FHIT: variants seen among roughly 807,000 people sequenced by gnomAD.
The protein encoded by FHIT is fragile histidine triad diadenosine triphosphatase.
FHIT carries 19 observed loss-of-function variants against 17.9 expected under a neutral mutation model. The observed-to-expected ratio is 1.06, with a 90% CI of 0.74 to 1.56. The LOEUF (loss-of-function observed/expected upper bound fraction) is 1.56. Among genes scored for constraint, FHIT ranks in the 40% most tolerant of loss-of-function variants. The pLI, the probability that FHIT is intolerant of heterozygous loss-of-function variation, is 0.00. For synonymous variants in FHIT, 81 were observed against 69.7 expected (o/e 1.16, Z -0.81); for missense variants, 248 against 189.2 (o/e 1.31, Z -1.82).
intron 5 of FHIT, among the ~76,000 whole-genome samples, chr3:60,430,522 C>T (rs1702846477): frequency 6.6e-6 from 1 of 151,932 alleles, no homozygotes; most frequent in Non-Finnish European, 1.5e-5. Context: ...TTTTTTCTGC[C>T]ATAAACTGCT....
At chr3:60,193,690 C>T (rs1387221907) in intron 5 of FHIT, among the ~76,000 whole-genome samples, 1 of 152,186 alleles carries the variant, frequency 6.6e-6, no homozygotes, top group East Asian at 1.9e-4. Flanking sequence ...CAAGTGCTGG[C>T]TGTGGAGATG....
chr3:60,786,763 C>G (rs1700590381), intron 4 of FHIT, among the ~76,000 whole-genome samples: 1 of 151,974 alleles, frequency 6.6e-6, no homozygotes, highest in Non-Finnish European at 1.5e-5. Flanking sequence ...TTGCACAGGG[C>G]CTGTCACAAA....
chr3:60,008,979 T>A (rs1700026435), intron 7 of FHIT, among the ~76,000 whole-genome samples: 1 of 152,226 alleles, frequency 6.6e-6, no homozygotes, highest in African/African-American at 2.4e-5. Context: ...AGTCACAGTA[T>A]TCTAAATAAG....
chr3:60,616,774 C>A (rs2038963958), intron 4 of FHIT: 1 of 152,134 alleles, frequency 6.6e-6, no homozygotes, highest in African/African-American at 2.4e-5. Context: ...ACATTCAATG[C>A]AACCTCAGTT....
chr3:59,808,676 G>A (rs912408077), intron 8 of FHIT, among the ~76,000 whole-genome samples: 10 of 152,286 alleles, frequency 6.6e-5, no homozygotes, highest in Middle Eastern at 3.4e-3. Context: ...TCAGTTGGCC[G>A]TTTGGGCAGC....
At chr3:60,200,514 G>T (rs898285910) in intron 5 of FHIT, among the ~76,000 whole-genome samples, 3 of 151,940 alleles carry the variant, frequency 2.0e-5, no homozygotes, top group Non-Finnish European at 4.4e-5. Context: ...TGTATAAAAT[G>T]GGAAAAATTA....
At chr3:61,245,700 A>T (rs1425116820) in intron 1 of FHIT, among the ~76,000 whole-genome samples, 1 of 152,182 alleles carries the variant, frequency 6.6e-6, no homozygotes, top group African/African-American at 2.4e-5. Context: ...GATTTACTTG[A>T]CAAATAAAAA....
intron 5 of FHIT, among the ~76,000 whole-genome samples, chr3:60,239,376 G>A (rs1341150847): frequency 6.6e-6 from 1 of 152,048 alleles, no homozygotes; most frequent in Non-Finnish European, 1.5e-5. Context: ...AGCACCCTGG[G>A]CAACATAGGG....
intron 8 of FHIT, among the ~76,000 whole-genome samples, chr3:59,888,189 A>G (rs994349882): frequency 2.1e-4 from 32 of 152,166 alleles, no homozygotes; most frequent in Non-Finnish European, 1.0e-4. Flanking sequence ...TTCATACCCA[A>G]TAATTCAGGC....
chr3:60,257,602 C>T (rs961112496), intron 5 of FHIT, among the ~76,000 whole-genome samples: 2 of 152,142 alleles, frequency 1.3e-5, no homozygotes, highest in Non-Finnish European at 2.9e-5. Context: ...TTAACATTTG[C>T]TTCACTGAAG....
chr3:60,905,884 T>G (rs1575670033), intron 3 of FHIT, among the ~76,000 whole-genome samples: 1 of 152,210 alleles, frequency 6.6e-6, no homozygotes, highest in Admixed American at 6.5e-5. Context: ...AGTGGGACTT[T>G]CTTGAACAAT....
intron 5 of FHIT, among the ~76,000 whole-genome samples, chr3:60,129,268 G>A (rs539935781): frequency 6.6e-6 from 1 of 151,888 alleles, no homozygotes; most frequent in Admixed American, 6.6e-5. Flanking sequence ...GGCAGGGATG[G>A]TCTTTATCTC....
intron 5 of FHIT, among the ~76,000 whole-genome samples, chr3:60,514,030 G>C (rs559575917): frequency 6.6e-6 from 1 of 152,300 alleles, no homozygotes; most frequent in Non-Finnish European, 1.5e-5. Flanking sequence ...TCCAAGGGAA[G>C]ATTATCTTCC....
chr3:60,114,052 T>A (rs1375853825), intron 5 of FHIT, among the ~76,000 whole-genome samples: 1 of 84,196 alleles, frequency 1.2e-5, no homozygotes, highest in Non-Finnish European at 2.1e-5. Flanking sequence ...TATATATATA[T>A]ATATATATAT....
At chr3:60,608,586 T>C (rs2038682959) in intron 4 of FHIT, among the ~76,000 whole-genome samples, 1 of 151,236 alleles carries the variant, frequency 6.6e-6, no homozygotes, top group South Asian at 2.1e-4. Context: ...CTTTATTTTT[T>C]TTCCCACCAG....
Position 59,999,575 on chromosome 3 carries a change from T to C in FHIT, c.279+11796A>G, listed in dbSNP as rs144239903. ...ATGATCTAGTGGAACGTGTCTTCTG[T>C]TAGACATAGTAAAAACTTCAACTCC... On this transcript the variant is annotated intron_variant, in intron 7 of 9. Transcript: ENST00000492590. Among the ~76,000 whole-genome samples the C allele has an allele frequency of 7.4e-3, 1,134 of 152,240 alleles. 7 individuals are homozygous for C. The highest frequency in any genetic ancestry group is 0.027 in the Middle Eastern group (8 of 294).
chr3:60,844,644 T>C (rs912174031), intron 3 of FHIT, among the ~76,000 whole-genome samples: 3 of 152,198 alleles, frequency 2.0e-5, no homozygotes, highest in Non-Finnish European at 4.4e-5. Context: ...AATGGTTTTC[T>C]TCTCATAAAA....
At chr3:60,768,897 G>A (rs1699943762) in intron 4 of FHIT, among the ~76,000 whole-genome samples, 1 of 152,174 alleles carries the variant, frequency 6.6e-6, no homozygotes, top group South Asian at 2.1e-4. Flanking sequence ...CCAGCCACCT[G>A]GGGGCATGCT....
chr3:60,240,728 CTTTG>C (rs1422761730), intron 5 of FHIT, among the ~76,000 whole-genome samples: 3 of 152,224 alleles, frequency 2.0e-5, no homozygotes, highest in Admixed American at 6.5e-5. Context: ...ACCTGCACTC[CTTTG>C]TTTGTGGAGA....
Sources: allele counts gnomAD v4.1 joint callset (sites outside exome capture counted in the v4.1 genomes callset), GRCh38; gene constraint gnomAD v4.1.1; transcripts MANE v1.5; gene names NCBI Gene and HGNC (gene_info 2026-07-23, HGNC 2026-07-21).